Variants in CARF observed in about 807,000 individuals in gnomAD.
The protein encoded by CARF is calcium-responsive transcription factor.
Under a neutral mutation model 82.0 loss-of-function variants are expected in CARF, and 57 were observed. That is an observed-to-expected ratio of 0.70 (90% CI 0.56 to 0.87). The LOEUF (loss-of-function observed/expected upper bound fraction) is 0.87. CARF is among the 40% of genes least tolerant of loss of function. The pLI, the probability that CARF is intolerant of heterozygous loss-of-function variation, is 0.00. For synonymous variants in CARF, 268 were observed against 290.1 expected (o/e 0.92, Z 0.77); for missense variants, 771 against 855.8 (o/e 0.90, Z 1.24).
chr2:202,928,536 G>C (rs1692278238), intron 3 of CARF, among the ~76,000 whole-genome samples: 1 of 152,000 alleles, frequency 6.6e-6, no homozygotes, highest in Admixed American at 6.6e-5. Context: ...TTAGTTTTTT[G>C]AGTAATCTCT....
Position 202,954,039 on chromosome 2 carries a change from AC to A in CARF, c.464del (p.Pro155GlnfsTer3). On this transcript the variant is annotated frameshift_variant, in exon 7 of 17. Coordinates refer to ENST00000438828, the MANE Select transcript of CARF (RefSeq NM_024744.17). LOFTEE classifies it high-confidence loss of function. ...AAGAGAAACCCAGTAACAGAAACTT[AC>A]CAACTGTAAGAGTGGATACTCTAGC... Reference protein sequence around the residue: ...PEEKPSNRNLPTVRVDTLADN... With the variant: ...PEEKPSNRNLXTVRVDTLADN... 1 of 1,610,436 alleles carries A rather than the reference AC, an allele frequency of 6.2e-7. No homozygotes were observed. The highest frequency in any genetic ancestry group is 1.3e-5 in the African/African-American group (1 of 74,782).
At chr2:202,944,860 A>G (rs957939655) in intron 5 of CARF, among the ~76,000 whole-genome samples, 1 of 151,850 alleles carries the variant, frequency 6.6e-6, no homozygotes, top group Non-Finnish European at 1.5e-5. Context: ...TACCTAGGGT[A>G]CCTTTCCGAG....
At position 202,912,545 on chromosome 2, in the gene CARF, T is replaced by G. The variant is rs943633464; in HGVS notation, c.-887T>G. ...CCGGAGCTCCGAGCAACTGCCGGCC[T>G]CCGCCCCCAGCCGCAGCCGGTCACT... On this transcript the variant is annotated 5_prime_UTR_variant, in exon 1 of 17. Coordinates refer to ENST00000438828, the MANE Select transcript of CARF (RefSeq NM_024744.17). 3 of 151,172 alleles carry G rather than the reference T, an allele frequency of 2.0e-5. No individual in the cohort carries two copies. The highest frequency in any genetic ancestry group is 3.0e-5 in the Non-Finnish European group (2 of 67,714). The allele number at this position is 151,172 out of a possible 1,614,324, so 9.4% of individuals were successfully genotyped here. A position where few individuals can be genotyped will look rare whatever the true frequency, so the allele number is the denominator to read the frequency against.
At chr2:202,972,632 G>A (rs190603069) in intron 12 of CARF, among the ~76,000 whole-genome samples, 6 of 141,458 alleles carry the variant, frequency 4.2e-5, no homozygotes, top group South Asian at 2.2e-4. Flanking sequence ...AGCCGAGATC[G>A]CGCCACTGCA....
chr2:202,930,625 C>T (rs530545327), intron 3 of CARF, among the ~76,000 whole-genome samples: 20 of 152,048 alleles, frequency 1.3e-4, no homozygotes, highest in African/African-American at 4.6e-4. Flanking sequence ...AGTTGTTTTC[C>T]GACTTCATTG....
chr2:202,956,142 T>C (rs1290861842), intron 8 of CARF, among the ~76,000 whole-genome samples: 2 of 152,108 alleles, frequency 1.3e-5, no homozygotes, highest in African/African-American at 4.8e-5. Context: ...TTTGTCTTTT[T>C]TCTCTATATT....
At chr2:202,920,664 C>CA (rs938411495) in intron 2 of CARF, among the ~76,000 whole-genome samples, 37 of 139,810 alleles carry the variant, frequency 2.6e-4, no homozygotes, top group African/African-American at 5.8e-4. Context: ...AACTCCGTCT[C>CA]AAAAAAAAAA....
intron 11 of CARF, among the ~76,000 whole-genome samples, chr2:202,971,203 A>G (rs1275130364): frequency 3.3e-5 from 5 of 152,146 alleles, no homozygotes; most frequent in Non-Finnish European, 5.9e-5. Context: ...TGAAATTTAA[A>G]ATGCCATTTT....
At chr2:202,977,226 T>C in intron 13 of CARF, 43 bp from the exon 14 acceptor site, 1 of 1,419,274 alleles carries the variant, frequency 7.0e-7, no homozygotes, top group East Asian at 2.3e-5. Context: ...TATTTTTCAA[T>C]ATAAGAGCTT....
chr2:202,972,673 C>G (rs1485009974), intron 12 of CARF, among the ~76,000 whole-genome samples: 1 of 17,456 alleles, frequency 5.7e-5, no homozygotes, highest in Non-Finnish European at 2.6e-4. Flanking sequence ...GAGACTCCGT[C>G]TAAAAAAAAA....
chr2:202,971,025 G>A (rs1352379332), intron 11 of CARF, among the ~76,000 whole-genome samples: 1 of 152,056 alleles, frequency 6.6e-6, no homozygotes, highest in Admixed American at 6.6e-5. Context: ...TCTATCTTTG[G>A]TTGGAAGGAT....
intron 5 of CARF, among the ~76,000 whole-genome samples, chr2:202,949,381 T>C (rs1343579277): frequency 6.6e-6 from 1 of 151,194 alleles, no homozygotes; most frequent in African/African-American, 2.4e-5. Flanking sequence ...CTCTGTCACC[T>C]AGGCTTAACT....
intron 5 of CARF, among the ~76,000 whole-genome samples, chr2:202,947,174 C>A (rs1020578779): frequency 6.6e-6 from 1 of 152,094 alleles, no homozygotes; most frequent in African/African-American, 2.4e-5. Context: ...GACACATGGA[C>A]ATGTATGTTT....
chr2:202,913,827 C>T (rs1221790297), intron 1 of CARF, among the ~76,000 whole-genome samples: 1 of 152,168 alleles, frequency 6.6e-6, no homozygotes, highest in African/African-American at 2.4e-5. Context: ...TGAGAATATA[C>T]AGTACCTGAC....
chr2:202,960,810 T>G (rs538460204), intron 8 of CARF, among the ~76,000 whole-genome samples: 2 of 147,336 alleles, frequency 1.4e-5, no homozygotes, highest in Non-Finnish European at 3.0e-5. Context: ...TCCCTCCTCT[T>G]TCCTTTCTCC....
chr2:202,932,715 TG>T, intron 3 of CARF, among the ~76,000 whole-genome samples: 1 of 152,058 alleles, frequency 6.6e-6, no homozygotes, highest in South Asian at 2.1e-4. Flanking sequence ...GTTTAGGCCC[TG>T]GGGGTGTAGG....
chr2:202,981,881 T>A (rs952402047), intron 15 of CARF, among the ~76,000 whole-genome samples, 191 bp from the exon 16 acceptor site: 1 of 152,246 alleles, frequency 6.6e-6, no homozygotes, highest in Admixed American at 6.5e-5. Flanking sequence ...AAGTTTAAAG[T>A]TGACTATGAA....
chr2:202,957,735 A>C (rs2059118025), intron 8 of CARF, among the ~76,000 whole-genome samples: 1 of 152,088 alleles, frequency 6.6e-6, no homozygotes, highest in African/African-American at 2.4e-5. Flanking sequence ...CGGGCAGATC[A>C]CTTGAGGTCA....
In CARF at chr2:202,952,558, G is replaced by A; in HGVS notation, c.307-1G>A. The A allele has an allele frequency of 4.3e-6, 7 of 1,611,784 alleles. No homozygotes were observed. The highest frequency in any genetic ancestry group is 5.1e-6 in the Non-Finnish European group (6 of 1,179,090). On this transcript the variant is annotated splice_acceptor_variant, in intron 5 of 16. Coordinates refer to ENST00000438828, the MANE Select transcript of CARF (RefSeq NM_024744.17). LOFTEE classifies it high-confidence loss of function. The stretch of plus-strand genomic sequence containing the variant: ...GATTTTTTTTTTTTAATGCTTCCAA[G>A]ATGATCGTTGCCAGCCCAACAGAAA...
Sources: allele counts gnomAD v4.1 joint callset (sites outside exome capture counted in the v4.1 genomes callset), GRCh38; gene constraint gnomAD v4.1.1; transcripts MANE v1.5; gene names NCBI Gene and HGNC (gene_info 2026-07-23, HGNC 2026-07-21).